Variants in CDH18 observed in about 807,000 individuals in gnomAD.
CDH18 encodes cadherin-18.
CDH18 carries 31 observed loss-of-function variants against 67.9 expected under a neutral mutation model. The ratio of observed to expected loss-of-function variants is 0.46; its 90% confidence interval spans 0.34 to 0.62. CDH18 has a LOEUF of 0.62. CDH18 is among the 20% of genes least tolerant of loss of function. CDH18 has a pLI of 0.01. For missense variants in CDH18, 890 were observed against 975.5 expected, an observed-to-expected ratio of 0.91 and a Z score of 1.17; for synonymous variants, 362 against 347.2, an observed-to-expected ratio of 1.04 and a Z score of -0.48.
At chr5:19,860,005 T>TGTGTGA (rs1784719801) in intron 2 of CDH18, among the ~76,000 whole-genome samples, 1 of 151,708 alleles carries the variant, frequency 6.6e-6, no homozygotes. Flanking sequence ...TGTGTGTGTG[T>TGTGTGA]GTGTGTGTGT....
At chr5:20,178,808 G>A (rs1455780434) in intron 2 of CDH18, among the ~76,000 whole-genome samples, 4 of 152,104 alleles carry the variant, frequency 2.6e-5, no homozygotes, top group Non-Finnish European at 5.9e-5. Context: ...TCACGGATGA[G>A]ACCATGGAGG....
At chr5:20,058,556 T>A (rs1205255411) in intron 2 of CDH18, among the ~76,000 whole-genome samples, 1 of 152,140 alleles carries the variant, frequency 6.6e-6, no homozygotes, top group Non-Finnish European at 1.5e-5. Context: ...ATTAAAATAT[T>A]TTGCCCTTAC....
intron 8 of CDH18, among the ~76,000 whole-genome samples, chr5:19,557,764 A>T (rs1738700926): frequency 6.6e-6 from 1 of 152,052 alleles, no homozygotes; most frequent in Non-Finnish European, 1.5e-5. Flanking sequence ...AAGAAACAAT[A>T]GACTTAAATT....
At chr5:19,785,539 A>T (rs1775611149) in intron 3 of CDH18, among the ~76,000 whole-genome samples, 1 of 149,302 alleles carries the variant, frequency 6.7e-6, no homozygotes, top group South Asian at 2.1e-4. Context: ...CTGTAATTCC[A>T]GCTACTCAGG....
chr5:20,555,301 G>GCAGAA (rs1757835994), intron 1 of CDH18, among the ~76,000 whole-genome samples: 1 of 151,630 alleles, frequency 6.6e-6, no homozygotes, highest in South Asian at 2.1e-4. Context: ...TTCCCAGCCT[G>GCAGAA]CAGAACTATG....
intron 2 of CDH18, among the ~76,000 whole-genome samples, chr5:19,852,418 C>A (rs577254762): frequency 6.6e-6 from 1 of 151,988 alleles, no homozygotes; most frequent in East Asian, 1.9e-4. Flanking sequence ...AAACAGTAAC[C>A]GTTCTCATTG....
rs114195784 is a variant in CDH18 at position 20,462,653 on chromosome 5, T to G, written c.-580+112809A>C. Reference sequence around the variant, plus strand: ...TATATATCAAAATATTTTAAAGTCATAGTTGTTATAAATGCATACCATATG... The same window carrying G: ...TATATATCAAAATATTTTAAAGTCAGAGTTGTTATAAATGCATACCATATG... On this transcript the variant is annotated intron_variant, in intron 1 of 14. Coordinates refer to the CDH18 transcript ENST00000507958. 9.6e-3 allele frequency among the ~76,000 whole-genome samples: 1,464 copies of G among 152,284 alleles called. 17 individuals are homozygous for G. The highest frequency in any genetic ancestry group is 0.012 in the Non-Finnish European group (831 of 68,010).
At chr5:19,510,915 G>T (rs535153366) in intron 10 of CDH18, among the ~76,000 whole-genome samples, 3 of 151,872 alleles carry the variant, frequency 2.0e-5, no homozygotes, top group East Asian at 1.9e-4. Flanking sequence ...GGGTTCAAGC[G>T]ATTCTCCTGC....
intron 1 of CDH18, among the ~76,000 whole-genome samples, chr5:19,982,661 A>G (rs1799173622): frequency 6.6e-6 from 1 of 152,150 alleles, no homozygotes; most frequent in African/African-American, 2.4e-5. Flanking sequence ...AAATCGATAT[A>G]TTGATTTTCA....
chr5:20,321,341 A>G (rs1269144324), intron 1 of CDH18, among the ~76,000 whole-genome samples: 1 of 151,954 alleles, frequency 6.6e-6, no homozygotes, highest in Non-Finnish European at 1.5e-5. Context: ...GCAACACTGG[A>G]TGTAGTTAGA....
At chr5:20,516,532 T>C (rs764691343) in intron 1 of CDH18, among the ~76,000 whole-genome samples, 4 of 152,108 alleles carry the variant, frequency 2.6e-5, no homozygotes, top group Middle Eastern at 3.4e-3. Context: ...TATTTATTTA[T>C]ACATATAAAA....
At chr5:19,675,953 C>T (rs764336099) in intron 5 of CDH18, among the ~76,000 whole-genome samples, 9 of 151,692 alleles carry the variant, frequency 5.9e-5, no homozygotes, top group East Asian at 3.9e-4. Flanking sequence ...TCCCTCCATT[C>T]GGGGTCCCTG....
chr5:20,288,177 T>G (rs1746830382), intron 1 of CDH18, among the ~76,000 whole-genome samples: 1 of 151,720 alleles, frequency 6.6e-6, no homozygotes, highest in Admixed American at 6.6e-5. Flanking sequence ...TAAAAAGAAT[T>G]AACTGTTACC....
chr5:19,701,324 G>T (rs1763215967), intron 5 of CDH18, among the ~76,000 whole-genome samples: 1 of 152,102 alleles, frequency 6.6e-6, no homozygotes, highest in African/African-American at 2.4e-5. Context: ...GTAAGGCAAA[G>T]AAGATTCATA....
At chr5:20,332,580 A>G (rs1739281418) in intron 1 of CDH18, among the ~76,000 whole-genome samples, 2 of 152,206 alleles carry the variant, frequency 1.3e-5, no homozygotes, top group Admixed American at 6.5e-5. Flanking sequence ...AAGTGAAACA[A>G]TGTATAATGA....
chr5:20,300,056 T>A (rs1747844838), intron 1 of CDH18, among the ~76,000 whole-genome samples: 1 of 152,154 alleles, frequency 6.6e-6, no homozygotes, highest in Admixed American at 6.5e-5. Context: ...AGAAATATTT[T>A]TTTAAAATAT....
rs1484123646 is a variant in CDH18, at chr5:19,943,201, G to T, written c.-257+37859C>A. 6.6e-5 allele frequency among the ~76,000 whole-genome samples: 10 copies of T among 152,158 alleles called. 1 individual carries two copies. The East Asian group carries it at 1.5e-3, about 24-fold the overall frequency. On this transcript the variant is annotated intron_variant, in intron 2 of 12. Coordinates refer to ENST00000382275, the MANE Select transcript of CDH18 (RefSeq NM_004934.5). ...ATAATCTTTTTGTTGTTGTTGTTTG[G>T]GGGGGTAAGAAAAGTAAGAATCAGA...
chr5:20,405,587 G>T (rs1254567904), intron 1 of CDH18, among the ~76,000 whole-genome samples: 1 of 152,146 alleles, frequency 6.6e-6, no homozygotes, highest in African/African-American at 2.4e-5. Context: ...ATTGACAAAT[G>T]GGATCTAAGT....
At chr5:19,952,792 A>G (rs17289992) in intron 2 of CDH18, among the ~76,000 whole-genome samples, 92,079 of 151,848 alleles carry the variant, frequency 0.61, 28,379 homozygotes, top group Middle Eastern at 0.72. Flanking sequence ...CAATGATATG[A>G]GAGGCATTTA....
Sources: gnomAD v4.1 joint callset for allele counts (sites outside exome capture counted in the v4.1 genomes callset) on GRCh38, gnomAD v4.1.1 for gene constraint, MANE v1.5 for transcripts, NCBI Gene and HGNC (gene_info 2026-07-23, HGNC 2026-07-21) for gene names.